The following CACNA1C variants were observed in gnomAD, a reference collection of about 807,000 sequenced individuals.
CACNA1C encodes calcium voltage-gated channel subunit alpha1 C, also known as voltage-dependent L-type calcium channel subunit alpha-1C.
CACNA1C carries 30 observed loss-of-function variants against 229.0 expected under a neutral mutation model. The observed-to-expected ratio is 0.13, with a 90% CI of 0.10 to 0.18. The LOEUF (loss-of-function observed/expected upper bound fraction) is 0.18, where lower values mean the gene tolerates loss of function less well. Among genes scored for constraint, CACNA1C ranks in the 10% least tolerant of loss-of-function variants. The pLI is 1.00. For missense variants in CACNA1C, 1,658 were observed against 2,845.0 expected (o/e 0.58, Z 9.49); for synonymous variants, 1,114 against 1,132.5 (o/e 0.98, Z 0.33).
intron 5 of CACNA1C, among the ~76,000 whole-genome samples, chr12:2,480,483 C>T (rs528973690): frequency 6.6e-6 from 1 of 152,352 alleles, no homozygotes; most frequent in African/African-American, 2.4e-5. Flanking sequence ...TGCCTACAAG[C>T]TCTGTGAGGG....
At chr12:2,484,252 TGAA>T (rs1428125622) in intron 5 of CACNA1C, among the ~76,000 whole-genome samples, 1 of 151,438 alleles carries the variant, frequency 6.6e-6, no homozygotes, top group African/African-American at 2.4e-5. Context: ...GGGCTGAGAG[TGAA>T]GGATAAGTGG....
At chr12:2,033,093 T>G (rs935633291) in intron 1 of CACNA1C, among the ~76,000 whole-genome samples, 6 of 152,198 alleles carry the variant, frequency 3.9e-5, no homozygotes, top group African/African-American at 1.4e-4. Context: ...GGTGCAGTGA[T>G]GTAGCTAACC....
Position 2,585,621 on chromosome 12 carries a change from A to G in CACNA1C, c.2460+125A>G. On this transcript the variant is annotated intron_variant, in intron 17 of 46. Coordinates refer to ENST00000399655, the MANE Select transcript of CACNA1C (RefSeq NM_000719.7). This position sits in a 1 kb window ranked among gnomAD's most constrained non-coding sequence, Gnocchi z 4.1. ...AAAGACACCCAGTGGAAAGAAAGCC[A>G]GTGGGGATGAACAGGAGAGCTGGGA... 1 of 1,205,496 alleles carries G rather than the reference A, an allele frequency of 8.3e-7. No homozygotes were observed. The highest frequency in any genetic ancestry group is 1.1e-6 in the Non-Finnish European group (1 of 870,276). The allele number at this position is 1,205,496 out of a possible 1,614,324, so 74.7% of individuals were successfully genotyped here.
chr12:2,353,746 G>A (rs2097273793), intron 3 of CACNA1C, among the ~76,000 whole-genome samples: 1 of 152,196 alleles, frequency 6.6e-6, no homozygotes. Flanking sequence ...GTCTGGGGGT[G>A]GGAGAGACAG....
rs113338509 is a variant in CACNA1C, at chr12:2,239,245, C to G, written c.477+118815C>G. ...TGGGAGAAGTTGCCTCCAGAGCACT[C>G]CGGTTTGGTCCCCTCCATCAGGGCC... On this transcript the variant is annotated intron_variant, in intron 3 of 46. Coordinates refer to ENST00000399655, the MANE Select transcript of CACNA1C (RefSeq NM_000719.7). 1.1e-3 allele frequency among the ~76,000 whole-genome samples: 161 copies of G among 152,300 alleles called. 4 individuals carry two copies. In the Middle Eastern group the frequency reaches 0.014, roughly 13 times the overall value.
At chr12:2,118,135 A>T (rs1259879614) in intron 2 of CACNA1C, among the ~76,000 whole-genome samples, 1 of 152,172 alleles carries the variant, frequency 6.6e-6, no homozygotes, top group African/African-American at 2.4e-5. Context: ...TTTAGCATGA[A>T]GTGAAGGATG....
rs2096838098 is a variant in CACNA1C at position 2,181,435 on chromosome 12, G to A, written c.477+61005G>A. On this transcript the variant is annotated intron_variant, in intron 3 of 46. Transcript: ENST00000399655. The surrounding 1 kb of genome is among the most constrained non-coding windows in gnomAD (Gnocchi z 4.0). ...CAACATGATCACAGCAGACTGACAC[G>A]GCGAGCTGAAACAAACAGGAAAACA... Among the ~76,000 whole-genome samples the A allele has an allele frequency of 6.6e-6, 1 of 152,148 alleles. No individual in the cohort carries two copies. Among genetic ancestry groups the A allele is most frequent in the Admixed American group, 6.5e-5 (1 of 15,282 alleles).
rs551675209 is a variant in CACNA1C at position 2,038,699 on chromosome 12, C to T, written c.139+67498C>T. Among the ~76,000 whole-genome samples, 6 of 152,276 alleles carry T rather than the reference C, an allele frequency of 3.9e-5. No individual in the cohort carries two copies. The South Asian group carries it at 8.3e-4, about 21-fold the overall frequency. Reference sequence around the variant, plus strand: ...TTAATAGGGTGCTAGTTTTGCCGGGCAGCTTTGACATGTGACAACTGTTTC... The same window carrying T: ...TTAATAGGGTGCTAGTTTTGCCGGGTAGCTTTGACATGTGACAACTGTTTC... On this transcript the variant is annotated intron_variant, in intron 1 of 46. Transcript: ENST00000682462.
chr12:2,526,167 C>T (rs189433029), intron 9 of CACNA1C, among the ~76,000 whole-genome samples: 39 of 152,292 alleles, frequency 2.6e-4, no homozygotes, highest in African/African-American at 7.0e-4. Flanking sequence ...TTAGCTCCAT[C>T]GCCATCCAAA....
chr12:2,600,882 A>G (rs909023854), intron 21 of CACNA1C, among the ~76,000 whole-genome samples: 5 of 152,220 alleles, frequency 3.3e-5, no homozygotes, highest in Non-Finnish European at 7.3e-5. Flanking sequence ...CACCGTGTGC[A>G]GGGTGGCATC....
upstream of CACNA1C, among the ~76,000 whole-genome samples, chr12:2,050,651 T>C (rs762596975): frequency 7.2e-5 from 11 of 152,384 alleles, no homozygotes; most frequent in Admixed American, 5.2e-4. Context: ...AAATTGAGTA[T>C]GAACACACCA....
rs574382128 is a variant in CACNA1C, at chr12:2,488,211, G to C, written c.916+1949G>C. On this transcript the variant is annotated intron_variant, in intron 6 of 46. Coordinates refer to ENST00000399655, the MANE Select transcript of CACNA1C (RefSeq NM_000719.7). This position sits in a 1 kb window ranked among gnomAD's most constrained non-coding sequence, Gnocchi z 4.0. ...TTTCCATCATCCTAACGAGAAAGCA[G>C]TCCAAGAGTGTTTTCTGCCGGTGGT... 1.3e-5 allele frequency among the ~76,000 whole-genome samples: 2 copies of C among 152,358 alleles called. No homozygotes were observed. The highest frequency in any genetic ancestry group is 4.8e-5 in the African/African-American group (2 of 41,586).
chr12:2,196,250 G>A (rs2097399467), intron 3 of CACNA1C, among the ~76,000 whole-genome samples: 1 of 152,150 alleles, frequency 6.6e-6, no homozygotes. Context: ...TGTCTGTCTG[G>A]CCTGGATACT....
intron 1 of CACNA1C, among the ~76,000 whole-genome samples, chr12:2,065,232 C>T (rs114625269): frequency 0.014 from 2,179 of 152,246 alleles, 51 homozygotes; most frequent in African/African-American, 0.049. Context: ...TTTGGTCTGT[C>T]GTGAATAGGA....
At chr12:2,347,074 T>C (rs2097059377) in intron 3 of CACNA1C, among the ~76,000 whole-genome samples, 1 of 152,196 alleles carries the variant, frequency 6.6e-6, no homozygotes, top group Non-Finnish European at 1.5e-5. Flanking sequence ...CTGTCTGAAC[T>C]CTTGTTATAA....
chr12:2,628,632 C>T (rs1204555202), intron 29 of CACNA1C, among the ~76,000 whole-genome samples: 1 of 152,134 alleles, frequency 6.6e-6, no homozygotes, highest in Non-Finnish European at 1.5e-5. Context: ...GCTGACCGGG[C>T]GCAGTGGCTC....
Position 2,457,580 on chromosome 12 carries a change from A to G in CACNA1C, c.631A>G (p.Ile211Val). The stretch of plus-strand genomic sequence containing the variant: ...CCTCTCTTCTAGGCTTTTTAGTGCA[A>G]TTTTAGAACAAGCAACCAAAGCAGA... The part of the protein sequence containing the change: ...IIVVVGLFSA[I>V]LEQATKADGA... Residue 211 changes from isoleucine (I) to valine (V), a missense_variant, in exon 5 of 47, where the codon ATT (isoleucine) becomes GTT (valine). Around this residue, in one of 20 missense-constraint regions of CACNA1C, gnomAD observed 89 missense variants for 177.8 expected, o/e 0.50. Transcript: ENST00000399655. 1 of 1,611,304 alleles carries G rather than the reference A, an allele frequency of 6.2e-7. No individual in the cohort carries two copies. The highest frequency in any genetic ancestry group is 8.5e-7 in the Non-Finnish European group (1 of 1,178,618).
chr12:2,283,169 A>C (rs2091863915), intron 3 of CACNA1C, among the ~76,000 whole-genome samples: 1 of 152,132 alleles, frequency 6.6e-6, no homozygotes, highest in Non-Finnish European at 1.5e-5. Context: ...GAAATTCCAC[A>C]TTTTGATCAA....
At position 2,001,824 on chromosome 12, in the gene CACNA1C, T is replaced by C. The variant is rs187740601; in HGVS notation, c.139+30623T>C. 7.9e-5 allele frequency among the ~76,000 whole-genome samples: 12 copies of C among 152,312 alleles called. 1 individual carries two copies. The highest frequency in any genetic ancestry group is 6.2e-4 in the South Asian group (3 of 4,828). On this transcript the variant is annotated intron_variant, in intron 1 of 46. Transcript: ENST00000682462. ...TTCAGGCTCAGCATTCCCTGGCCTC[T>C]ACTCTATAGATGTCACAACACTCTT...
Sources: allele counts gnomAD v4.1 joint callset (sites outside exome capture counted in the v4.1 genomes callset), GRCh38; gene constraint gnomAD v4.1.1; regional missense constraint gnomAD v4.1.1; non-coding constraint Gnocchi (gnomAD v3.1); transcripts MANE v1.5; gene names NCBI Gene and HGNC (gene_info 2026-07-23, HGNC 2026-07-21).